The following CNTN4 variants were observed in gnomAD, a reference collection of about 807,000 sequenced individuals.
CNTN4 encodes contactin-4.
CNTN4 carries 77 observed loss-of-function variants against 122.5 expected under a neutral mutation model. That is an observed-to-expected ratio of 0.63 (90% CI 0.52 to 0.76). The LOEUF (loss-of-function observed/expected upper bound fraction) is 0.76. Ranked by LOEUF, CNTN4 falls within the 30% of genes least tolerant of loss-of-function variation. The pLI, the probability that CNTN4 is intolerant of heterozygous loss-of-function variation, is 0.00. For synonymous variants in CNTN4, 512 were observed against 447.0 expected, an observed-to-expected ratio of 1.15 and a Z score of -1.83; for missense variants, 1,256 against 1,259.1, an observed-to-expected ratio of 1.00 and a Z score of 0.04.
intron 4 of CNTN4, among the ~76,000 whole-genome samples, chr3:2,724,433 C>G (rs1388159559): frequency 6.6e-6 from 1 of 152,166 alleles, no homozygotes; most frequent in East Asian, 1.9e-4. Flanking sequence ...AAAATAGTTT[C>G]ACACCAGAAA....
At chr3:2,910,069 G>A (rs896374909) in intron 12 of CNTN4, among the ~76,000 whole-genome samples, 3 of 152,216 alleles carry the variant, frequency 2.0e-5, no homozygotes, top group Non-Finnish European at 2.9e-5. Flanking sequence ...CATGGCTGAA[G>A]GCCCCATTTC....
intron 3 of CNTN4, among the ~76,000 whole-genome samples, chr3:2,503,915 T>A (rs1279306460): frequency 6.6e-6 from 1 of 152,084 alleles, no homozygotes; most frequent in Admixed American, 6.6e-5. Context: ...CTGAGAGGGA[T>A]CCACTGAAGG....
At chr3:2,252,985 A>C (rs1392786062) in intron 2 of CNTN4, among the ~76,000 whole-genome samples, 1 of 152,116 alleles carries the variant, frequency 6.6e-6, no homozygotes, top group East Asian at 1.9e-4. Flanking sequence ...GAATACCAGT[A>C]ATACATGCAC....
At chr3:2,134,832 C>G (rs2034611538) in intron 2 of CNTN4, among the ~76,000 whole-genome samples, 1 of 152,134 alleles carries the variant, frequency 6.6e-6, no homozygotes, top group African/African-American at 2.4e-5. Context: ...TTTTTGTCCT[C>G]TTTTGATCTC....
chr3:3,021,481 C>T (rs566297981), intron 14 of CNTN4, among the ~76,000 whole-genome samples: 1 of 152,204 alleles, frequency 6.6e-6, no homozygotes, highest in East Asian at 1.9e-4. Flanking sequence ...TTTGAAGAAT[C>T]CCACTTTTAA....
At chr3:2,430,083 C>T (rs536907694) in intron 3 of CNTN4, among the ~76,000 whole-genome samples, 7 of 152,118 alleles carry the variant, frequency 4.6e-5, no homozygotes, top group South Asian at 4.2e-4. Flanking sequence ...GTCCTGTACC[C>T]GCTGTCCGAC....
chr3:2,659,939 C>T (rs2083796054), intron 4 of CNTN4, among the ~76,000 whole-genome samples: 1 of 152,192 alleles, frequency 6.6e-6, no homozygotes, highest in Non-Finnish European at 1.5e-5. Context: ...GTGTGAACAG[C>T]TTCATTTTCT....
intron 13 of CNTN4, among the ~76,000 whole-genome samples, chr3:2,978,493 G>A (rs1389222889): frequency 6.6e-6 from 1 of 152,236 alleles, no homozygotes; most frequent in Non-Finnish European, 1.5e-5. Context: ...GCCTATTGGT[G>A]CCCTAAGGGG....
chr3:2,640,674 T>C (rs2082861898), intron 4 of CNTN4, among the ~76,000 whole-genome samples: 1 of 152,156 alleles, frequency 6.6e-6, no homozygotes, highest in African/African-American at 2.4e-5. Flanking sequence ...CATATATCTT[T>C]CACACACTGT....
Position 3,000,732 on chromosome 3 carries a change from A to T in CNTN4, c.1486+12260A>T, listed in dbSNP as rs941625619. The stretch of plus-strand genomic sequence containing the variant: ...AAATGTTGACTCATATATCCCACCC[A>T]ACTCTGAAATGTTATCATTCTCTGA... On this transcript the variant is annotated intron_variant, in intron 14 of 24. Transcript: ENST00000418658. Among the ~76,000 whole-genome samples, 11 of 152,274 alleles carry T rather than the reference A, an allele frequency of 7.2e-5. No individual in the cohort carries two copies. In the East Asian group the frequency reaches 2.1e-3, roughly 29 times the overall value.
At chr3:2,377,307 T>G (rs2150726713) in intron 3 of CNTN4, among the ~76,000 whole-genome samples, 1 of 152,342 alleles carries the variant, frequency 6.6e-6, no homozygotes, top group East Asian at 1.9e-4. Context: ...TGCATTGAAC[T>G]CTCTTTAATA....
chr3:2,943,198 A>G (rs1175634104), intron 13 of CNTN4, among the ~76,000 whole-genome samples: 1 of 96,088 alleles, frequency 1.0e-5, no homozygotes, highest in Non-Finnish European at 2.4e-5. Flanking sequence ...CTCACAACTG[A>G]TTCCTGTCCA....
chr3:3,026,378 T>C, intron 15 of CNTN4, 101 bp downstream of exon 15: 1 of 1,036,600 alleles, frequency 9.6e-7, no homozygotes, highest in Non-Finnish European at 1.5e-6. Context: ...AGTAATCTTA[T>C]GGCAAGAAAC....
chr3:2,982,732 A>T (rs553281922), intron 13 of CNTN4, among the ~76,000 whole-genome samples: 2 of 152,294 alleles, frequency 1.3e-5, no homozygotes, highest in East Asian at 1.9e-4. Flanking sequence ...GCCCATCTTT[A>T]TACCTAGATA....
At chr3:2,621,422 T>G (rs1403629888) in intron 4 of CNTN4, among the ~76,000 whole-genome samples, 1 of 151,820 alleles carries the variant, frequency 6.6e-6, no homozygotes, top group East Asian at 1.9e-4. Context: ...TTCTCACTCA[T>G]AAGTGGGAGT....
rs759618514 is a variant in CNTN4 at position 3,043,143 on chromosome 3, A to G, written c.2678A>G (p.Asn893Ser). 23 of 1,614,048 alleles carry G rather than the reference A, an allele frequency of 1.4e-5. No individual in the cohort carries two copies. The South Asian group carries it at 2.1e-4, about 15-fold the overall frequency. ...ACAGGCCCCTCTAGTGCAACAGTCA[A>G]TGTGACAACCCGAAAGCCACGTAAG... is the stretch of plus-strand genomic sequence containing the variant. Reference protein sequence around the residue: ...AGTGPSSATVNVTTRKPPPSQ... With the variant: ...AGTGPSSATVSVTTRKPPPSQ... Residue 893 changes from asparagine (N) to serine (S), a missense_variant, in exon 22 of 25, where the codon AAT becomes AGT. By Grantham distance (46) the Asn-to-Ser change is conservative. Coordinates refer to ENST00000418658, the MANE Select transcript of CNTN4 (RefSeq NM_175607.3).
chr3:2,344,334 G>C (rs1003809714), intron 3 of CNTN4, among the ~76,000 whole-genome samples: 1 of 151,394 alleles, frequency 6.6e-6, no homozygotes, highest in Non-Finnish European at 1.5e-5. Flanking sequence ...GGAGTGCAGT[G>C]GTGTGATCTC....
chr3:2,509,249 G>T (rs1012259716), intron 3 of CNTN4, among the ~76,000 whole-genome samples: 5 of 152,150 alleles, frequency 3.3e-5, no homozygotes, highest in Non-Finnish European at 7.3e-5. Context: ...AACCTCACAC[G>T]AGCTGCGTGG....
intron 13 of CNTN4, among the ~76,000 whole-genome samples, chr3:2,945,711 C>A (rs1392357228): frequency 6.6e-6 from 1 of 152,168 alleles, no homozygotes; most frequent in Non-Finnish European, 1.5e-5. Flanking sequence ...GTTCCTATGA[C>A]TTTTTATGCA....
Sources: gnomAD v4.1 joint callset for allele counts (sites outside exome capture counted in the v4.1 genomes callset) on GRCh38, gnomAD v4.1.1 for gene constraint, MANE v1.5 for transcripts, NCBI Gene and HGNC (gene_info 2026-07-23, HGNC 2026-07-21) for gene names.